Variants in ATRNL1 observed in about 807,000 individuals in gnomAD.
ATRNL1 encodes attractin-like protein 1.
In ATRNL1, 95 loss-of-function variants were observed where a neutral mutation model predicts 182.7. The ratio of observed to expected loss-of-function variants is 0.52; its 90% CI spans 0.44 to 0.62. ATRNL1 has a LOEUF of 0.62. Among genes scored for constraint, ATRNL1 ranks in the 20% least tolerant of loss-of-function variants. The pLI is 0.00. For missense variants in ATRNL1, 1,471 were observed against 1,679.5 expected, an observed-to-expected ratio of 0.88 and a Z score of 2.17; for synonymous variants, 576 against 568.3, an observed-to-expected ratio of 1.01 and a Z score of -0.19.
At chr10:115,489,744 C>T (rs929119117) in intron 24 of ATRNL1, among the ~76,000 whole-genome samples, 1 of 152,070 alleles carries the variant, frequency 6.6e-6, no homozygotes, top group Non-Finnish European at 1.5e-5. Flanking sequence ...AATATTGTTA[C>T]ATGTGAATTT....
At chr10:115,385,679 A>G (rs1277694414) in intron 19 of ATRNL1, among the ~76,000 whole-genome samples, 1 of 152,158 alleles carries the variant, frequency 6.6e-6, no homozygotes, top group Admixed American at 6.5e-5. Flanking sequence ...TCTTCCAGAA[A>G]TTGTATAGTG....
intron 15 of ATRNL1, among the ~76,000 whole-genome samples, chr10:115,293,297 A>G (rs1853009779): frequency 6.6e-6 from 1 of 152,056 alleles, no homozygotes; most frequent in Non-Finnish European, 1.5e-5. Flanking sequence ...ATTTTTTTAA[A>G]AAATACCCTC....
chr10:115,535,937 A>C (rs1279628687), intron 25 of ATRNL1, among the ~76,000 whole-genome samples: 2 of 151,626 alleles, frequency 1.3e-5, no homozygotes, highest in Admixed American at 1.3e-4. Flanking sequence ...TTCGTGAACC[A>C]CGAATGCTGC....
At chr10:115,172,139 G>A (rs534698982) in intron 8 of ATRNL1, among the ~76,000 whole-genome samples, 10 of 152,086 alleles carry the variant, frequency 6.6e-5, no homozygotes, top group African/African-American at 1.9e-4. Flanking sequence ...ACTCCCCTTC[G>A]AAATACTCCA....
Position 115,244,315 on chromosome 10 carries a change from G to A in ATRNL1, c.1687+2590G>A, listed in dbSNP as rs535186245. ...CAGTAAATTTTATACAGTCAATATC[G>A]CTAATCTTTGGGTATATAACCTTGC... On this transcript the variant is annotated intron_variant, in intron 10 of 28. Transcript: ENST00000355044. 3.5e-4 allele frequency among the ~76,000 whole-genome samples: 53 copies of A among 152,026 alleles called. 2 individuals carry two copies. In the South Asian group the frequency reaches 9.6e-3, roughly 27 times the overall value.
At chr10:115,924,913 C>CT (rs1239209875) in intron 28 of ATRNL1, among the ~76,000 whole-genome samples, 2 of 152,076 alleles carry the variant, frequency 1.3e-5, no homozygotes, top group Non-Finnish European at 2.9e-5. Flanking sequence ...TATGTCCTCT[C>CT]TTATTTCCTT....
intron 5 of ATRNL1, among the ~76,000 whole-genome samples, chr10:115,135,118 A>G (rs1211545089): frequency 6.6e-6 from 1 of 152,098 alleles, no homozygotes; most frequent in Non-Finnish European, 1.5e-5. Flanking sequence ...CCCTTTGAAA[A>G]CGGGCACAAG....
intron 10 of ATRNL1, among the ~76,000 whole-genome samples, chr10:115,262,354 T>C (rs889109169): frequency 6.6e-6 from 1 of 151,876 alleles, no homozygotes; most frequent in Non-Finnish European, 1.5e-5. Context: ...TGACATATAC[T>C]TGGAAATATC....
chr10:115,764,529 A>C (rs527463966), intron 27 of ATRNL1, among the ~76,000 whole-genome samples: 1 of 152,096 alleles, frequency 6.6e-6, no homozygotes, highest in African/African-American at 2.4e-5. Flanking sequence ...CTGTCTCCAT[A>C]ATTTTGCCTT....
chr10:115,753,007 G>C (rs1422157370), intron 27 of ATRNL1, among the ~76,000 whole-genome samples: 4 of 152,014 alleles, frequency 2.6e-5, no homozygotes, highest in Non-Finnish European at 4.4e-5. Context: ...TGTAATAGTG[G>C]CATGACACTA....
At chr10:115,157,016 A>G (rs1007013986) in intron 5 of ATRNL1, among the ~76,000 whole-genome samples, 1 of 152,150 alleles carries the variant, frequency 6.6e-6, no homozygotes, top group East Asian at 1.9e-4. Context: ...ATAGTCAGAC[A>G]GAGGTAATAT....
intron 19 of ATRNL1, among the ~76,000 whole-genome samples, chr10:115,382,343 T>A (rs1191218995): frequency 1.3e-5 from 2 of 152,138 alleles, no homozygotes; most frequent in Non-Finnish European, 2.9e-5. Context: ...TTTCAATTTA[T>A]TTATACCATC....
Position 115,748,349 on chromosome 10 carries a change from CT to C in ATRNL1, c.3903+21010del, listed in dbSNP as rs58203488. ...GATTAATGTTACTGATCAGCTGCAT[CT>C]TTTTTTTTTTTTTTTGCCTCTCTGT... On this transcript the variant is annotated intron_variant, in intron 27 of 28. Coordinates refer to ENST00000355044, the MANE Select transcript of ATRNL1 (RefSeq NM_207303.4). Among the ~76,000 whole-genome samples the C allele has an allele frequency of 5.5e-3, 718 of 130,090 alleles. 8 individuals carry two copies. Among genetic ancestry groups the C allele is most frequent in the South Asian group, 0.054 (219 of 4,022 alleles). 85.3% of individuals were successfully genotyped at this position (130,090 alleles called of 152,430 possible). A position where few individuals can be genotyped will look rare whatever the true frequency, so the allele number is the denominator to read the frequency against.
At chr10:115,364,934 G>A (rs1554945442) in intron 19 of ATRNL1, among the ~76,000 whole-genome samples, 1 of 151,366 alleles carries the variant, frequency 6.6e-6, no homozygotes, top group Non-Finnish European at 1.5e-5. Context: ...GTATTTTATT[G>A]AGGATTTTTG....
chr10:115,214,756 G>A (rs782326286), intron 8 of ATRNL1, among the ~76,000 whole-genome samples: 18 of 152,122 alleles, frequency 1.2e-4, no homozygotes, highest in African/African-American at 3.4e-4. Context: ...TGGGTTTTTC[G>A]TATGCATTTC....
chr10:115,128,925 C>T (rs1554874299), intron 4 of ATRNL1, among the ~76,000 whole-genome samples: 2 of 151,408 alleles, frequency 1.3e-5, no homozygotes. Context: ...TTATATTATA[C>T]AACCAAGTTA....
chr10:115,346,966 T>A (rs77004923), intron 19 of ATRNL1, among the ~76,000 whole-genome samples: 2,814 of 152,254 alleles, frequency 0.018, 101 homozygotes, highest in African/African-American at 0.065. Flanking sequence ...CAATGATTAT[T>A]TTTTTGCCAA....
chr10:115,914,927 A>G (rs7100539), intron 28 of ATRNL1, among the ~76,000 whole-genome samples: 12,386 of 152,220 alleles, frequency 0.081, 1,451 homozygotes, highest in African/African-American at 0.26. Flanking sequence ...CTGTTGTAAA[A>G]ATTTATTGAG....
intron 22 of ATRNL1, among the ~76,000 whole-genome samples, chr10:115,464,002 A>G (rs1554970350): frequency 1.3e-5 from 2 of 152,048 alleles, no homozygotes; most frequent in African/African-American, 2.4e-5. Flanking sequence ...ATTAGCCACA[A>G]TTCTAGTTTG....
Sources: gnomAD v4.1 joint callset for allele counts (sites outside exome capture counted in the v4.1 genomes callset) on GRCh38, gnomAD v4.1.1 for gene constraint, MANE v1.5 for transcripts, NCBI Gene and HGNC (gene_info 2026-07-23, HGNC 2026-07-21) for gene names.